The following DDX60L variants were observed in gnomAD, a reference collection of about 807,000 sequenced individuals.
DDX60L encodes probable ATP-dependent RNA helicase DDX60-like.
Under a neutral mutation model 211.6 loss-of-function variants are expected in DDX60L, and 191 were observed. The observed-to-expected ratio is 0.90, with a 90% CI of 0.80 to 1.02. The LOEUF (loss-of-function observed/expected upper bound fraction) is 1.02. Ranked by LOEUF, DDX60L falls within the 50% of genes least tolerant of loss-of-function variation. The pLI is 0.00. For missense variants in DDX60L, 2,007 were observed against 1,984.1 expected, an observed-to-expected ratio of 1.01 and a Z score of -0.22; for synonymous variants, 706 against 694.1, an observed-to-expected ratio of 1.02 and a Z score of -0.27.
intron 6 of DDX60L, 147 bp downstream of exon 6, chr4:168,457,745 T>C (rs2150082359): frequency 2.4e-6 from 1 of 420,158 alleles, no homozygotes; most frequent in East Asian, 3.3e-5. Flanking sequence ...TCTGAGAGCA[T>C]GACATTCTAA....
At chr4:168,414,572 C>T (rs1036717442) in intron 22 of DDX60L, among the ~76,000 whole-genome samples, 11 of 152,022 alleles carry the variant, frequency 7.2e-5, no homozygotes, top group Admixed American at 3.9e-4. Flanking sequence ...TTTATTGCAG[C>T]GCCATTCACA....
chr4:168,394,676 A>C (rs1173475797), intron 27 of DDX60L, 59 bp from the exon 28 acceptor site: 2 of 1,471,308 alleles, frequency 1.4e-6, no homozygotes, highest in Non-Finnish European at 1.8e-6. Flanking sequence ...TTTCAAGCTC[A>C]ATCAGAATCA....
chr4:168,476,961 G>T (rs1279094547), intron 1 of DDX60L, among the ~76,000 whole-genome samples: 1 of 152,176 alleles, frequency 6.6e-6, no homozygotes, highest in Non-Finnish European at 1.5e-5. Flanking sequence ...GAAAGAAACT[G>T]GGTCCCTGAA....
intron 36 of DDX60L, among the ~76,000 whole-genome samples, chr4:168,365,494 C>T (rs1345311244): frequency 6.7e-6 from 1 of 149,702 alleles, no homozygotes; most frequent in African/African-American, 2.5e-5. Flanking sequence ...CTAAACAGAG[C>T]AGTAATGAGA....
intron 8 of DDX60L, 64 bp from the exon 9 acceptor site, chr4:168,448,843 A>AC: frequency 6.8e-7 from 1 of 1,474,866 alleles, no homozygotes; most frequent in Non-Finnish European, 9.3e-7. Context: ...CTCCTGGTTA[A>AC]CCCCCTATAA....
chr4:168,374,148 C>T (rs899940995), intron 34 of DDX60L, among the ~76,000 whole-genome samples: 2 of 151,846 alleles, frequency 1.3e-5, no homozygotes, highest in Non-Finnish European at 2.9e-5. Flanking sequence ...TTCTGTCCAG[C>T]GAGTACCATC....
chr4:168,441,009 T>C (rs1274085835), intron 10 of DDX60L, among the ~76,000 whole-genome samples: 1 of 151,900 alleles, frequency 6.6e-6, no homozygotes, highest in Admixed American at 6.6e-5. Context: ...CATATTGAAG[T>C]CTGTTAAAGA....
At chr4:168,369,346 T>G (rs910566648) in intron 36 of DDX60L, among the ~76,000 whole-genome samples, 6 of 152,168 alleles carry the variant, frequency 3.9e-5, no homozygotes, top group African/African-American at 1.4e-4. Context: ...ATGTGAGACA[T>G]GTCTTTCAAC....
chr4:168,448,979 C>T (rs928744453), intron 8 of DDX60L, among the ~76,000 whole-genome samples, 200 bp from the exon 9 acceptor site: 1 of 152,116 alleles, frequency 6.6e-6, no homozygotes, highest in Non-Finnish European at 1.5e-5. Flanking sequence ...CTGGGAATTG[C>T]ACTGCTTATC....
intron 21 of DDX60L, 43 bp downstream of exon 21, chr4:168,415,614 A>G (rs1189652820): frequency 4.1e-6 from 6 of 1,446,986 alleles, no homozygotes; most frequent in Non-Finnish European, 5.6e-6. Context: ...CTTTGTAGTA[A>G]AATATAAAAA....
At chr4:168,436,561 C>A (rs1753059597) in intron 10 of DDX60L, among the ~76,000 whole-genome samples, 2 of 152,144 alleles carry the variant, frequency 1.3e-5, no homozygotes, top group African/African-American at 4.8e-5. Flanking sequence ...GGTGGAAATA[C>A]TTTGAAGGCT....
chr4:168,405,957 A>G lies in DDX60L; in HGVS notation c.3206T>C (p.Val1069Ala), dbSNP rs1436891001. The G allele has an allele frequency of 6.4e-7, 1 of 1,568,930 alleles. No individual in the cohort carries two copies. Among genetic ancestry groups the G allele is most frequent in the Non-Finnish European group, 8.6e-7 (1 of 1,160,664 alleles). Residue 1069 changes from valine to alanine, a missense_variant, in exon 24 of 38, where the codon GTG (valine) becomes GCG (alanine). Val to Ala is a moderately conservative substitution (Grantham distance 64). Transcript: ENST00000682922. ...ELTNWIKNGQ[V>A]KKVKRVLKNL... Reference sequence around the variant, plus strand: ...AGAAAGTGTGAAAATTACCTTCTTCACTTGGCCATTTTTAATCCAATTTGT... The same window carrying G: ...AGAAAGTGTGAAAATTACCTTCTTCGCTTGGCCATTTTTAATCCAATTTGT...
In DDX60L at chr4:168,379,448, C is replaced by T; in HGVS notation, c.4278G>A (p.Leu1426=). The T allele has an allele frequency of 6.2e-7, 1 of 1,600,494 alleles. No homozygotes were observed. The highest frequency in any genetic ancestry group is 1.8e-5 in the Admixed American group (1 of 56,328). The change falls in exon 32 of 38, where the codon TTG becomes TTA. Residue 1426 remains leucine, a synonymous_variant. Transcript: ENST00000682922. ...CAAGATTTGAAGGTTCATGACCATGCAAATATGATGCAAGTCCTGCAAATT... is the reference window on the plus strand; with the variant it reads ...CAAGATTTGAAGGTTCATGACCATGTAAATATGATGCAAGTCCTGCAAATT... ...PKKFAGLASY[L]HGHEPSNLVF... is the part of the protein sequence containing the mutation.
intron 14 of DDX60L, among the ~76,000 whole-genome samples, chr4:168,426,777 T>G (rs897234725): frequency 1.3e-5 from 2 of 152,186 alleles, no homozygotes; most frequent in East Asian, 3.9e-4. Flanking sequence ...TCACCTTGCT[T>G]TGCTGATCCC....
rs967122568 is a variant in DDX60L, at chr4:168,433,055, T to C, written c.1355A>G (p.Asp452Gly). ...CTTCATCATATCTCCAACAAACTCA[T>C]CAATTACAGCAGATGTCATTGGAAT... ...GFIPMTSAVI[D>G]EFVGDMMKDL... The change falls in exon 11 of 38, where the codon GAT becomes GGT. Residue 452 changes from aspartate to glycine, a missense_variant. Coordinates refer to ENST00000682922, the MANE Select transcript of DDX60L (RefSeq NM_001012967.3). 1.2e-6 allele frequency: 2 copies of C among 1,609,988 alleles called. No individual in the cohort carries two copies. Among genetic ancestry groups the C allele is most frequent in the Non-Finnish European group, 1.7e-6 (2 of 1,177,858 alleles).
intron 12 of DDX60L, 31 bp from the exon 13 acceptor site, chr4:168,430,669 G>T: frequency 6.9e-7 from 1 of 1,453,610 alleles, no homozygotes; most frequent in South Asian, 1.4e-5. Context: ...ATGTAAACAT[G>T]TATTTTAAAA....
At chr4:168,436,815 A>T (rs1283872293) in intron 10 of DDX60L, among the ~76,000 whole-genome samples, 1 of 152,182 alleles carries the variant, frequency 6.6e-6, no homozygotes, top group East Asian at 1.9e-4. Flanking sequence ...AGGAGACACA[A>T]CAATGATTCC....
At chr4:168,401,257 T>C (rs1184586903) in intron 25 of DDX60L, among the ~76,000 whole-genome samples, 1 of 152,044 alleles carries the variant, frequency 6.6e-6, no homozygotes, top group Non-Finnish European at 1.5e-5. Flanking sequence ...GGAGGCTTCA[T>C]GTGCCTGGTA....
At chr4:168,446,659 C>T (rs1398361456) in intron 9 of DDX60L, among the ~76,000 whole-genome samples, 1 of 151,422 alleles carries the variant, frequency 6.6e-6, no homozygotes, top group Admixed American at 6.6e-5. Flanking sequence ...ACCAAAACAG[C>T]ATGGTACTGG....
Sources: allele counts gnomAD v4.1 joint callset (sites outside exome capture counted in the v4.1 genomes callset), GRCh38; gene constraint gnomAD v4.1.1; transcripts MANE v1.5; gene names NCBI Gene and HGNC (gene_info 2026-07-23, HGNC 2026-07-21).